The following RABGAP1L variants were observed in gnomAD, a reference collection of about 807,000 sequenced individuals.
RABGAP1L encodes the protein rab GTPase-activating protein 1-like.
Under a neutral mutation model 137.7 loss-of-function variants are expected in RABGAP1L, and 63 were observed. The observed-to-expected ratio is 0.46, with a 90% CI of 0.37 to 0.56. The LOEUF (loss-of-function observed/expected upper bound fraction) is 0.56, where lower values mean the gene tolerates loss of function less well. RABGAP1L is among the 20% of genes least tolerant of loss of function. The probability of loss-of-function intolerance (pLI) is 0.00; values close to 1 mark genes in which losing one functional copy is unlikely to be tolerated. For synonymous variants in RABGAP1L, 431 were observed against 433.7 expected, an observed-to-expected ratio of 0.99 and a Z score of 0.08; for missense variants, 1,095 against 1,244.0, an observed-to-expected ratio of 0.88 and a Z score of 1.80.
intron 19 of RABGAP1L, among the ~76,000 whole-genome samples, chr1:174,929,298 A>T (rs1663334267): frequency 6.6e-6 from 1 of 152,166 alleles, no homozygotes; most frequent in Non-Finnish European, 1.5e-5. Context: ...AGTAACTGAG[A>T]ATAGGATGCT....
In RABGAP1L at chr1:174,493,638, G is replaced by C. The variant is rs573553063; in HGVS notation, c.1710+99493G>C. ...AGTTCAAGACCAGCCTGGGCAACAT[G>C]GCAAAACTTTGTCTCTACTGAAAAT... On this transcript the variant is annotated intron_variant, in intron 13 of 25. Coordinates refer to ENST00000681986, the MANE Select transcript of RABGAP1L (RefSeq NM_001366446.1). Among the ~76,000 whole-genome samples the C allele has an allele frequency of 5.3e-5, 8 of 151,796 alleles. 1 individual carries two copies. The South Asian group carries it at 1.7e-3, about 32-fold the overall frequency.
At chr1:174,619,277 A>G (rs570649396) in intron 13 of RABGAP1L, among the ~76,000 whole-genome samples, 11 of 152,314 alleles carry the variant, frequency 7.2e-5, no homozygotes, top group Admixed American at 7.2e-4. Context: ...CAGATTCAGG[A>G]AATATAGAGA....
intron 13 of RABGAP1L, among the ~76,000 whole-genome samples, chr1:174,577,959 C>CT (rs1226362203): frequency 2.0e-5 from 3 of 152,152 alleles, no homozygotes; most frequent in Non-Finnish European, 4.4e-5. Flanking sequence ...CTGATCTTCT[C>CT]TTTTTTCAAT....
At chr1:174,873,630 C>T (rs1002956300) in intron 19 of RABGAP1L, among the ~76,000 whole-genome samples, 1 of 151,742 alleles carries the variant, frequency 6.6e-6, no homozygotes, top group Non-Finnish European at 1.5e-5. Context: ...TCTGCTTCAG[C>T]CTCCTGAGTA....
intron 13 of RABGAP1L, among the ~76,000 whole-genome samples, chr1:174,482,405 T>C (rs868140191): frequency 3.3e-5 from 5 of 152,374 alleles, no homozygotes; most frequent in Middle Eastern, 3.4e-3. Context: ...TTACACTGTT[T>C]TTTGGTTGTT....
chr1:174,260,183 A>G (rs1431862731), intron 7 of RABGAP1L, among the ~76,000 whole-genome samples: 1 of 152,054 alleles, frequency 6.6e-6, no homozygotes, highest in African/African-American at 2.4e-5. Flanking sequence ...AGGTTAAGTA[A>G]CTTTGGTTAC....
intron 11 of RABGAP1L, among the ~76,000 whole-genome samples, chr1:174,360,936 C>T (rs1402595313): frequency 6.6e-6 from 1 of 152,174 alleles, no homozygotes; most frequent in Non-Finnish European, 1.5e-5. Flanking sequence ...GCAGGTGGAT[C>T]ACAAGGTCAG....
chr1:174,649,783 G>A (rs1030217519), intron 14 of RABGAP1L, among the ~76,000 whole-genome samples: 4 of 151,936 alleles, frequency 2.6e-5, no homozygotes, highest in Non-Finnish European at 4.4e-5. Flanking sequence ...ATCTGCAAAC[G>A]GACAATTTGA....
intron 19 of RABGAP1L, among the ~76,000 whole-genome samples, chr1:174,832,332 A>G (rs1260238151): frequency 6.8e-6 from 1 of 147,798 alleles, no homozygotes; most frequent in African/African-American, 2.5e-5. Flanking sequence ...AAAGAAAAAG[A>G]AAAGGAAAAG....
intron 13 of RABGAP1L, among the ~76,000 whole-genome samples, chr1:174,426,250 A>C (rs1167153566): frequency 1.3e-5 from 2 of 152,100 alleles, no homozygotes; most frequent in Admixed American, 6.5e-5. Flanking sequence ...TGGGCGGTAC[A>C]TTTATAAAAG....
In RABGAP1L at chr1:174,378,989, T is replaced by G. The variant is rs552007745; in HGVS notation, c.1559+7917T>G. On this transcript the variant is annotated intron_variant, in intron 12 of 25. Coordinates refer to ENST00000681986, the MANE Select transcript of RABGAP1L (RefSeq NM_001366446.1). ...TAAGGTGTAAGGAAGGGATCCAGTT[T>G]CAGCTTTCTACATATGGCTAGCGAG... Among the ~76,000 whole-genome samples the G allele has an allele frequency of 2.3e-5, 3 of 132,118 alleles. No individual in the cohort carries two copies. In the East Asian group the frequency reaches 5.9e-4, roughly 26 times the overall value. The allele number at this position is 132,118 out of a possible 152,430, so 86.7% of individuals were successfully genotyped here. A position where few individuals can be genotyped will look rare whatever the true frequency, so the allele number is the denominator to read the frequency against.
chr1:174,193,427 GA>G lies in RABGAP1L; in HGVS notation c.-33-25697del, dbSNP rs1363812704. ...CATGCCTGTAATCCCAGCTACTCGG[GA>G]GGCTGAGGCATGAGAATCGCTTGAA... On this transcript the variant is annotated intron_variant, in intron 1 of 25. Coordinates refer to ENST00000681986, the MANE Select transcript of RABGAP1L (RefSeq NM_001366446.1). 5.9e-5 allele frequency among the ~76,000 whole-genome samples: 9 copies of G among 152,306 alleles called. No individual in the cohort carries two copies. The South Asian group carries it at 1.9e-3, about 32-fold the overall frequency.
chr1:174,478,090 A>C (rs1441403887), intron 13 of RABGAP1L, among the ~76,000 whole-genome samples: 2 of 152,084 alleles, frequency 1.3e-5, no homozygotes, highest in Non-Finnish European at 2.9e-5. Flanking sequence ...TCAAAGAATA[A>C]TATTTATCTA....
rs181403382 is a variant in RABGAP1L, at chr1:174,542,635, G to A, written c.1711-94740G>A. Among the ~76,000 whole-genome samples, 179 of 152,104 alleles carry A rather than the reference G, an allele frequency of 1.2e-3. 1 individual carries two copies. Among genetic ancestry groups the A allele is most frequent in the African/African-American group, 4.2e-3 (174 of 41,504 alleles). On this transcript the variant is annotated intron_variant, in intron 13 of 25. Coordinates refer to ENST00000681986, the MANE Select transcript of RABGAP1L (RefSeq NM_001366446.1). Reference sequence around the variant, plus strand: ...CTTAGTTATTTCTTGCCTTCTGCTGGCTTTTGAATGTGTTTGCTCTTGCTT... The same window carrying A: ...CTTAGTTATTTCTTGCCTTCTGCTGACTTTTGAATGTGTTTGCTCTTGCTT...
At chr1:174,821,022 GAA>G (rs57317428) in intron 19 of RABGAP1L, among the ~76,000 whole-genome samples, 91,049 of 146,700 alleles carry the variant, frequency 0.62, 30,026 homozygotes, top group East Asian at 0.93. Context: ...ATCTCAAAAA[GAA>G]AAAAAAAAAA....
intron 12 of RABGAP1L, among the ~76,000 whole-genome samples, chr1:174,382,771 A>T (rs1481971349): frequency 1.3e-5 from 2 of 149,952 alleles, no homozygotes; most frequent in Non-Finnish European, 3.0e-5. Flanking sequence ...TGATCGTCTG[A>T]AGCCTTCTTC....
intron 14 of RABGAP1L, among the ~76,000 whole-genome samples, chr1:174,638,863 A>C: frequency 7.4e-6 from 1 of 135,822 alleles, no homozygotes; most frequent in African/African-American, 2.8e-5. Flanking sequence ...AGGAAGGGGA[A>C]TATCACACTC....
chr1:174,949,574 T>C (rs974568372), intron 19 of RABGAP1L, among the ~76,000 whole-genome samples: 1 of 152,118 alleles, frequency 6.6e-6, no homozygotes, highest in African/African-American at 2.4e-5. Context: ...AGGTGGGGTA[T>C]TAGTCCAGGT....
At chr1:174,696,361 GTA>G (rs1679260566) in intron 15 of RABGAP1L, among the ~76,000 whole-genome samples, 1 of 152,056 alleles carries the variant, frequency 6.6e-6, no homozygotes, top group Non-Finnish European at 1.5e-5. Context: ...AGGGGTGTAA[GTA>G]TAGCCACTCT....
Sources: gnomAD v4.1 joint callset for allele counts (sites outside exome capture counted in the v4.1 genomes callset) on GRCh38, gnomAD v4.1.1 for gene constraint, MANE v1.5 for transcripts, NCBI Gene and HGNC (gene_info 2026-07-23, HGNC 2026-07-21) for gene names.